RGS7: variants seen among roughly 807,000 people sequenced by gnomAD.
The protein encoded by RGS7 is regulator of G-protein signaling 7.
A neutral mutation model predicts 81.1 loss-of-function variants in RGS7; 27 were observed. That is an observed-to-expected ratio of 0.33 (90% CI 0.25 to 0.46). RGS7 has a LOEUF of 0.46. Ranked by LOEUF, RGS7 falls within the 20% of genes least tolerant of loss-of-function variation. The pLI is 1.00. For synonymous variants in RGS7, 208 were observed against 207.7 expected, an observed-to-expected ratio of 1.00 and a Z score of -0.01; for missense variants, 396 against 607.4, an observed-to-expected ratio of 0.65 and a Z score of 3.66.
chr1:241,115,119 A>T (rs2065802281), intron 2 of RGS7, among the ~76,000 whole-genome samples: 4 of 152,230 alleles, frequency 2.6e-5, no homozygotes, highest in Admixed American at 2.6e-4. Context: ...AAATGCTGTA[A>T]TCCTGTTAAA....
intron 2 of RGS7, among the ~76,000 whole-genome samples, chr1:241,303,782 A>G (rs887411430): frequency 4.6e-5 from 7 of 152,136 alleles, no homozygotes; most frequent in Admixed American, 6.5e-5. Context: ...ACAGTCTGCA[A>G]TTGCTAATTG....
chr1:240,884,258 C>A (rs138766123), intron 6 of RGS7, among the ~76,000 whole-genome samples: 1,586 of 152,146 alleles, frequency 0.01, 26 homozygotes, highest in Middle Eastern at 0.065. Context: ...TAAAAATATA[C>A]ATTAAATAAG....
chr1:241,344,933 C>T (rs1040119754), intron 2 of RGS7, among the ~76,000 whole-genome samples: 1 of 152,200 alleles, frequency 6.6e-6, no homozygotes, highest in African/African-American at 2.4e-5. Context: ...CAGATGCATG[C>T]GAATGCTCAT....
chr1:240,865,214 T>C (rs1663015501), intron 9 of RGS7, among the ~76,000 whole-genome samples: 1 of 152,232 alleles, frequency 6.6e-6, no homozygotes, highest in African/African-American at 2.4e-5. Flanking sequence ...GACTCATGTC[T>C]ATCTGATTCC....
chr1:241,327,113 A>G lies in RGS7; in HGVS notation c.78+28586T>C, dbSNP rs1293196291. On this transcript the variant is annotated intron_variant, in intron 2 of 18. Coordinates refer to ENST00000440928, the MANE Select transcript of RGS7 (RefSeq NM_001364886.1). ...AAGAAAGAAAGAAAGAAAGAAAGAA[A>G]GAAAGAAAGAAAGAAAGAAAGAAAG... is the stretch of plus-strand genomic sequence containing the variant. Among the ~76,000 whole-genome samples the G allele has an allele frequency of 1.8e-3, 200 of 108,366 alleles. 6 individuals are homozygous for G. Among genetic ancestry groups the G allele is most frequent in the African/African-American group, 6.3e-3 (186 of 29,352 alleles). The allele number at this position is 108,366 out of a possible 152,430, so 71.1% of individuals were successfully genotyped here.
At chr1:241,035,584 A>T (rs2060283093) in intron 3 of RGS7, among the ~76,000 whole-genome samples, 1 of 152,120 alleles carries the variant, frequency 6.6e-6, no homozygotes, top group African/African-American at 2.4e-5. Context: ...TTTATGGCCA[A>T]ATCAACTTAT....
At chr1:241,188,728 T>C (rs571103654) in intron 2 of RGS7, among the ~76,000 whole-genome samples, 2 of 152,304 alleles carry the variant, frequency 1.3e-5, no homozygotes, top group Non-Finnish European at 2.9e-5. Context: ...TCAATGGTTC[T>C]CTGACATTAT....
chr1:241,113,298 T>C (rs943073820), intron 2 of RGS7, among the ~76,000 whole-genome samples: 3 of 152,208 alleles, frequency 2.0e-5, no homozygotes, highest in African/African-American at 7.2e-5. Flanking sequence ...TATTATCTTA[T>C]GGCTAGAACA....
At chr1:241,322,396 G>T (rs952538233) in intron 2 of RGS7, among the ~76,000 whole-genome samples, 3 of 152,202 alleles carry the variant, frequency 2.0e-5, no homozygotes, top group Non-Finnish European at 4.4e-5. Context: ...TTCAGAGGTT[G>T]CAAGATATTG....
At chr1:240,800,831 C>CATCAA (rs780764898) in intron 17 of RGS7, 110 bp from the exon 18 acceptor site, 3 of 509,134 alleles carry the variant, frequency 5.9e-6, no homozygotes, top group Non-Finnish European at 1.0e-5. Context: ...AAATATATAT[C>CATCAA]ATCAAAACAC....
At chr1:240,839,947 A>T (rs1489646901) in intron 9 of RGS7, among the ~76,000 whole-genome samples, 1 of 151,942 alleles carries the variant, frequency 6.6e-6, no homozygotes, top group African/African-American at 2.4e-5. Flanking sequence ...CTTACTTCCC[A>T]CACTTGATTC....
chr1:241,125,871 C>T (rs1408463576), intron 2 of RGS7, among the ~76,000 whole-genome samples: 2 of 152,094 alleles, frequency 1.3e-5, no homozygotes, highest in Non-Finnish European at 2.9e-5. Flanking sequence ...TGCTTTCAGA[C>T]ATTATTTCAG....
intron 4 of RGS7, among the ~76,000 whole-genome samples, chr1:240,973,521 A>G (rs970036316): frequency 6.6e-6 from 1 of 152,170 alleles, no homozygotes; most frequent in African/African-American, 2.4e-5. Context: ...AAGAAAAAAA[A>G]AAATCTAATT....
chr1:241,193,663 G>T (rs2072858495), intron 2 of RGS7, among the ~76,000 whole-genome samples: 1 of 152,168 alleles, frequency 6.6e-6, no homozygotes, highest in Non-Finnish European at 1.5e-5. Context: ...AATTTGAGAA[G>T]ATTGAGTTTC....
intron 2 of RGS7, among the ~76,000 whole-genome samples, chr1:241,211,259 C>T (rs911188531): frequency 2.6e-5 from 4 of 151,930 alleles, no homozygotes; most frequent in Admixed American, 2.6e-4. Context: ...CACTCCAGAC[C>T]CTGTGTGTTT....
chr1:241,326,778 C>T (rs1302750393), intron 2 of RGS7, among the ~76,000 whole-genome samples: 2 of 150,486 alleles, frequency 1.3e-5, no homozygotes, highest in Non-Finnish European at 3.0e-5. Context: ...ACCCATCTGG[C>T]ACACACCTGT....
chr1:241,154,613 A>G (rs1490560045), intron 2 of RGS7, among the ~76,000 whole-genome samples: 1 of 152,210 alleles, frequency 6.6e-6, no homozygotes, highest in Non-Finnish European at 1.5e-5. Context: ...ATGTCGGGAA[A>G]ACTGGCCAGA....
intron 2 of RGS7, among the ~76,000 whole-genome samples, chr1:241,209,299 T>G (rs1168040624): frequency 6.6e-6 from 1 of 152,138 alleles, no homozygotes; most frequent in Admixed American, 6.5e-5. Context: ...TAAAGGGATC[T>G]GATTCAGATA....
intron 2 of RGS7, among the ~76,000 whole-genome samples, chr1:241,184,337 C>T (rs2071906295): frequency 6.6e-6 from 1 of 152,154 alleles, no homozygotes; most frequent in South Asian, 2.1e-4. Context: ...TTCATCTATT[C>T]ATCATTTAAA....
Sources: gnomAD v4.1 joint callset for allele counts (sites outside exome capture counted in the v4.1 genomes callset) on GRCh38, gnomAD v4.1.1 for gene constraint, MANE v1.5 for transcripts, NCBI Gene and HGNC (gene_info 2026-07-23, HGNC 2026-07-21) for gene names.